BRWD3: variants seen among roughly 807,000 people sequenced by gnomAD.
The protein encoded by BRWD3 is bromodomain and WD repeat domain containing 3, also known as bromodomain and WD repeat-containing protein 3.
BRWD3 carries 10 observed loss-of-function variants against 149.7 expected under a neutral mutation model. The observed-to-expected ratio is 0.07, with a 90% confidence interval of 0.04 to 0.11. BRWD3 has a LOEUF of 0.11. Among genes scored for constraint, BRWD3 ranks in the 10% least tolerant of loss-of-function variants. The probability of loss-of-function intolerance (pLI) is 1.00; values close to 1 mark genes in which losing one functional copy is unlikely to be tolerated. For missense variants in BRWD3, 940 were observed against 1,373.2 expected, an observed-to-expected ratio of 0.68 and a Z score of 4.99; for synonymous variants, 504 against 456.7, an observed-to-expected ratio of 1.10 and a Z score of -1.32.
chrX:80,766,596 A>T (rs955653582), intron 6 of BRWD3, among the ~76,000 whole-genome samples: 4 of 112,353 alleles, frequency 3.6e-5, no homozygotes, highest in Non-Finnish European at 7.5e-5. Flanking sequence ...TAGTGGGAAC[A>T]TCAAATGCTA....
At chrX:80,707,798 ATT>A (rs758628057) in intron 21 of BRWD3, among the ~76,000 whole-genome samples, 1 of 111,958 alleles carries the variant, frequency 8.9e-6, no homozygotes, top group African/African-American at 3.2e-5. Context: ...CATTAGAAAC[ATT>A]GTTTTCAAAA....
chrX:80,679,747 A>G (rs1384800789), intron 40 of BRWD3, among the ~76,000 whole-genome samples: 1 of 109,252 alleles, frequency 9.2e-6, no homozygotes, highest in Non-Finnish European at 1.9e-5. Context: ...CTAAAAAAAG[A>G]CGCTAGTTGG....
At chrX:80,690,201 T>C in intron 31 of BRWD3, 109 bp from the exon 32 acceptor site, 7 of 787,267 alleles carry the variant, frequency 8.9e-6, no homozygotes, top group Non-Finnish European at 1.3e-5. Flanking sequence ...GTCAAAGGTG[T>C]TCCAATATGC....
intron 34 of BRWD3, among the ~76,000 whole-genome samples, chrX:80,687,730 T>C (rs2072551453): frequency 9.1e-6 from 1 of 110,491 alleles, no homozygotes; most frequent in Admixed American, 9.8e-5. Flanking sequence ...AGAGGGTACC[T>C]ACATAACCAG....
intron 27 of BRWD3, among the ~76,000 whole-genome samples, chrX:80,694,225 T>C (rs771923919): frequency 3.6e-5 from 4 of 111,858 alleles, no homozygotes; most frequent in Non-Finnish European, 7.5e-5. Flanking sequence ...GGCCTACAGA[T>C]GCATAGAAGT....
At position 80,692,928 on chromosome X, in the gene BRWD3, A is replaced by G; in HGVS notation, c.3263+12T>C. 2 of 1,171,761 alleles carry G rather than the reference A, an allele frequency of 1.7e-6. No individual in the cohort carries two copies. Among genetic ancestry groups the G allele is most frequent in the Non-Finnish European group, 2.3e-6 (2 of 858,885 alleles). ...TGTCATATTAGGCATAAAAGATCAT[A>G]AACATACTTACTGAACACTGTAACA... On this transcript the variant is annotated intron_variant, in intron 28 of 40. Coordinates refer to ENST00000373275, the MANE Select transcript of BRWD3 (RefSeq NM_153252.5).
intron 38 of BRWD3, 40 bp from the exon 39 acceptor site, chrX:80,682,134 T>C (rs2072457268): frequency 6.8e-6 from 7 of 1,023,814 alleles, no homozygotes; most frequent in Middle Eastern, 2.6e-4. Flanking sequence ...TTTTTTTTTT[T>C]CTGTTAGCAA....
chrX:80,697,120 C>A (rs1187283082), intron 25 of BRWD3, among the ~76,000 whole-genome samples: 1 of 110,312 alleles, frequency 9.1e-6, no homozygotes, highest in African/African-American at 3.3e-5. Context: ...AAATCCTACA[C>A]CTATAGAATC....
chrX:80,768,966 A>G (rs952343117), intron 6 of BRWD3, among the ~76,000 whole-genome samples: 1 of 111,685 alleles, frequency 9.0e-6, no homozygotes, highest in African/African-American at 3.3e-5. Context: ...AACAGACTTT[A>G]AATCAACAAA....
intron 6 of BRWD3, among the ~76,000 whole-genome samples, chrX:80,787,166 G>A (rs1172196183): frequency 1.8e-5 from 2 of 111,724 alleles, no homozygotes; most frequent in African/African-American, 6.5e-5. Flanking sequence ...CAATAGATGT[G>A]TTAAGACCTG....
chrX:80,713,733 T>G (rs1201048317), intron 20 of BRWD3, among the ~76,000 whole-genome samples: 1 of 111,601 alleles, frequency 9.0e-6, no homozygotes, highest in Admixed American at 9.4e-5. Flanking sequence ...CTTAGATTAC[T>G]TCTAACAACA....
rs2074392816 is a variant in BRWD3 at position 80,809,757 on chromosome X, AAAAGAGAGAGAGAGAGAG to A, written c.-304_-287del. On this transcript the variant is annotated 5_prime_UTR_variant, in exon 1 of 41. Transcript: ENST00000373275. ...AGAGAAGAGAGAGAGAGAGAGAGGA[AAAAGAGAGAGAGAGAGAG>A]AGAGAGAGAGAGAGAGAGAGAGAGA... 1.2e-5 allele frequency: 1 copy of A among 81,681 alleles called. No homozygotes were observed. The allele number at this position is 81,681 out of a possible 1,213,427, so 6.7% of individuals were successfully genotyped here. A position where few individuals can be genotyped will look rare whatever the true frequency, so the allele number is the denominator to read the frequency against.
Position 80,745,584 on chromosome X carries a change from C to A in BRWD3, c.576G>T (p.Gly192=), listed in dbSNP as rs1602386517. Residue 192 remains glycine (G), a synonymous_variant, in exon 7 of 41, where the codon GGG becomes GGT. Coordinates refer to ENST00000373275, the MANE Select transcript of BRWD3 (RefSeq NM_153252.5). ...TTACACTCACTGTAAAAATTCTTCT[C>A]CCGCTTCGGTCAAATGCTACACAGT... is the stretch of plus-strand genomic sequence containing the variant. The part of the protein sequence containing the change: ...SVYCVAFDRS[G]RRIFTGSDDC... 1.7e-6 allele frequency: 2 copies of A among 1,207,120 alleles called. No homozygotes were observed. The highest frequency in any genetic ancestry group is 1.8e-5 in the African/African-American group (1 of 56,887).
intron 3 of BRWD3, 99 bp downstream of exon 3, chrX:80,808,914 C>T: frequency 1.0e-6 from 1 of 959,249 alleles, no homozygotes; most frequent in Non-Finnish European, 1.5e-6. Context: ...GTACCCAGAT[C>T]GAAGCCTCTA....
chrX:80,802,258 A>C (rs1043329614), intron 4 of BRWD3, among the ~76,000 whole-genome samples: 2 of 109,504 alleles, frequency 1.8e-5, no homozygotes, highest in Non-Finnish European at 3.8e-5. Context: ...CTTGGCCAAC[A>C]CGGTGAAACT....
intron 6 of BRWD3, among the ~76,000 whole-genome samples, chrX:80,759,771 G>A: frequency 9.0e-6 from 1 of 111,403 alleles, no homozygotes; most frequent in South Asian, 3.8e-4. Flanking sequence ...AGCTATAATT[G>A]GAGTGTGGAG....
In BRWD3 at chrX:80,711,802, C is replaced by A. The variant is rs772389940; in HGVS notation, c.2326-2225G>T. The stretch of plus-strand genomic sequence containing the variant: ...ATGACCTGGAACCTCCTCCGTCACA[C>A]CCCCATGAGTTGTCCTGCCTTTCTG... On this transcript the variant is annotated intron_variant, in intron 20 of 40. Transcript: ENST00000373275. Among the ~76,000 whole-genome samples, 5 of 111,764 alleles carry A rather than the reference C, an allele frequency of 4.5e-5. No homozygotes were observed. The South Asian group carries it at 1.9e-3, about 43-fold the overall frequency.
intron 4 of BRWD3, among the ~76,000 whole-genome samples, chrX:80,802,463 AAAAAATT>A (rs1052971403): frequency 9.3e-6 from 1 of 107,074 alleles, no homozygotes; most frequent in African/African-American, 3.4e-5. Context: ...AAAAAAAAAA[AAAAAATT>A]AAAAATTAAG....
At chrX:80,692,698 A>G (rs967788630) in intron 28 of BRWD3, among the ~76,000 whole-genome samples, 1 of 112,265 alleles carries the variant, frequency 8.9e-6, no homozygotes, top group Non-Finnish European at 1.9e-5. Context: ...GCAAACAACA[A>G]AAGAGGTAGC....
Sources: gnomAD v4.1 joint callset for allele counts (sites outside exome capture counted in the v4.1 genomes callset) on GRCh38, gnomAD v4.1.1 for gene constraint, MANE v1.5 for transcripts, NCBI Gene and HGNC (gene_info 2026-07-23, HGNC 2026-07-21) for gene names.